FAT1: variants seen among roughly 807,000 people sequenced by gnomAD.
FAT1 encodes FAT atypical cadherin 1.
In FAT1, 171 loss-of-function variants were observed where a neutral mutation model predicts 329.8. The ratio of observed to expected loss-of-function variants is 0.52; its 90% CI spans 0.46 to 0.59. The LOEUF is 0.59. Ranked by LOEUF, FAT1 falls within the 20% of genes least tolerant of loss-of-function variation. The probability of loss-of-function intolerance (pLI) is 0.00; values close to 1 mark genes in which losing one functional copy is unlikely to be tolerated. For missense variants in FAT1, 5,672 were observed against 5,774.4 expected, an observed-to-expected ratio of 0.98 and a Z score of 0.57; for synonymous variants, 2,233 against 2,228.6, an observed-to-expected ratio of 1.00 and a Z score of -0.06.
In FAT1 at chr4:186,600,264, C is replaced by A. The variant is rs773650405; in HGVS notation, c.11737G>T (p.Ala3913Ser). The A allele has an allele frequency of 7.4e-6, 12 of 1,613,746 alleles. No individual in the cohort carries two copies. The South Asian group carries it at 1.2e-4, about 16-fold the overall frequency. ...SIQVNDGQWH[A>S]VALEVNGNYA... ...TTTCCATTCACTTCCAGGGCCACTG[C>A]GTGCCACTGCCCATCATTGACCTGA... Residue 3913 changes from alanine (A) to serine (S), a missense_variant, in exon 22 of 27, where the codon GCA (alanine) becomes TCA (serine). Transcript: ENST00000441802.
At chr4:186,592,368 C>T (rs1335991722) in intron 26 of FAT1, among the ~76,000 whole-genome samples, 1 of 152,134 alleles carries the variant, frequency 6.6e-6, no homozygotes, top group Non-Finnish European at 1.5e-5. Context: ...TATTCCTGTA[C>T]ATACGAAGAA....
chr4:186,699,292 T>C (rs1744184491), intron 2 of FAT1, among the ~76,000 whole-genome samples: 3 of 152,028 alleles, frequency 2.0e-5, no homozygotes, highest in Admixed American at 1.3e-4. Context: ...AACCAATTGA[T>C]TTAAAACTAA....
intron 22 of FAT1, among the ~76,000 whole-genome samples, 154 bp downstream of exon 22, chr4:186,599,744 C>T (rs1363823581): frequency 1.3e-5 from 2 of 152,142 alleles, no homozygotes; most frequent in African/African-American, 2.4e-5. Context: ...GCTCTGCCCC[C>T]GTATGAGGGA....
intron 3 of FAT1, among the ~76,000 whole-genome samples, chr4:186,662,163 T>TA (rs1287904743): frequency 6.6e-6 from 1 of 152,136 alleles, no homozygotes; most frequent in African/African-American, 2.4e-5. Flanking sequence ...TACTTCTAGA[T>TA]TTCTCTCTCT....
intron 2 of FAT1, among the ~76,000 whole-genome samples, chr4:186,699,761 T>A (rs1579469829): frequency 7.0e-6 from 1 of 141,944 alleles, no homozygotes; most frequent in African/African-American, 2.6e-5. Context: ...CACTAATAAA[T>A]AAAAACGTGA....
In FAT1 at chr4:186,619,857, G is replaced by C. The variant is rs371603019; in HGVS notation, c.6729C>G (p.Asp2243Glu). 1.2e-5 allele frequency: 20 copies of C among 1,613,882 alleles called. No homozygotes were observed. The highest frequency in any genetic ancestry group is 1.7e-5 in the Non-Finnish European group (20 of 1,179,906). The stretch of plus-strand genomic sequence containing the variant: ...GCTTATATGCCGGGTGGGCCTCAAA[G>C]TCCAGAGGAGCTATGACATTGATAA... ...TGVINVIAPLDFEAHPAYKLS... is the reference protein window; with the variant it reads ...TGVINVIAPLEFEAHPAYKLS... The change falls in exon 10 of 27, where the codon GAC becomes GAG. Residue 2243 changes from aspartate (D) to glutamate (E), a missense_variant. Physicochemically the swap from Asp to Glu is conservative, Grantham distance 45. Transcript: ENST00000441802.
rs1227055081 is a variant in FAT1 at position 186,600,019 on chromosome 4, T to G, written c.11982A>C (p.Arg3994Ser). The stretch of plus-strand genomic sequence containing the variant: ...CCGACTCTTCGATGTGTGCATAGCT[T>G]CTGGGTTTGCTGTTTAAAGGGAGCT... Reference protein sequence around the residue: ...GQELPLNSKPRSYAHIEESVD... With the variant: ...GQELPLNSKPSSYAHIEESVD... The change falls in exon 22 of 27, where the codon AGA (arginine) becomes AGC (serine). Residue 3994 changes from arginine to serine, a missense_variant. Physicochemically the swap from Arg to Ser is moderately radical, Grantham distance 110 (BLOSUM62 -1). Transcript: ENST00000441802. 2 of 1,613,886 alleles carry G rather than the reference T, an allele frequency of 1.2e-6. No homozygotes were observed. Among genetic ancestry groups the G allele is most frequent in the African/African-American group, 2.7e-5 (2 of 74,920 alleles).
At chr4:186,613,057 G>T in intron 13 of FAT1, 52 bp downstream of exon 13, 1 of 1,276,724 alleles carries the variant, frequency 7.8e-7, no homozygotes, top group Non-Finnish European at 1.1e-6. Context: ...TGAAACAGAG[G>T]CTCCTAGGAT....
Position 186,629,338 on chromosome 4 carries a change from G to A in FAT1, c.4324-575C>T, listed in dbSNP as rs554219555. Reference sequence around the variant, plus strand: ...AAACCTACATCTATGTAGTAAATATGTTTACTCCCTAAAACCAATTTAGTC... The same window carrying A: ...AAACCTACATCTATGTAGTAAATATATTTACTCCCTAAAACCAATTTAGTC... On this transcript the variant is annotated intron_variant, in intron 7 of 26. Coordinates refer to ENST00000441802, the MANE Select transcript of FAT1 (RefSeq NM_005245.4). Among the ~76,000 whole-genome samples, 172 of 152,108 alleles carry A rather than the reference G, an allele frequency of 1.1e-3. 1 individual carries two copies. Among genetic ancestry groups the A allele is most frequent in the African/African-American group, 4.0e-3 (165 of 41,502 alleles).
chr4:186,638,551 C>T (rs898281252), intron 4 of FAT1, among the ~76,000 whole-genome samples: 2 of 151,928 alleles, frequency 1.3e-5, no homozygotes, highest in African/African-American at 4.8e-5. Context: ...TGAAGCAGCT[C>T]CTAATGGGGA....
At chr4:186,677,455 A>T (rs374953693) in intron 2 of FAT1, among the ~76,000 whole-genome samples, 4 of 152,034 alleles carry the variant, frequency 2.6e-5, no homozygotes, top group African/African-American at 9.7e-5. Flanking sequence ...TTGTAAATGC[A>T]TATTAATCCC....
intron 2 of FAT1, among the ~76,000 whole-genome samples, chr4:186,665,010 AT>A (rs947547778): frequency 1.2e-3 from 176 of 152,358 alleles, no homozygotes; most frequent in African/African-American, 4.1e-3. Context: ...AGAAAAACTC[AT>A]TTTTTGAATG....
In FAT1 at chr4:186,633,902, T is replaced by A; in HGVS notation, c.4184-79A>T. On this transcript the variant is annotated intron_variant, in intron 6 of 26. Transcript: ENST00000441802. ...TATTCTGTGGCTTTCTCATACTTAA[T>A]GGCACTGAAAAATCTTCTAATATAC... 7 of 1,514,766 alleles carry A rather than the reference T, an allele frequency of 4.6e-6. No homozygotes were observed. In the South Asian group the frequency reaches 8.3e-5, roughly 18 times the overall value. 93.8% of individuals were successfully genotyped at this position (1,514,766 alleles called of 1,614,324 possible). A position where few individuals can be genotyped will look rare whatever the true frequency, so the allele number is the denominator to read the frequency against.
rs757829409 is a variant in FAT1, at chr4:186,621,074, C to G, written c.5512G>C (p.Glu1838Gln). Residue 1838 changes from glutamate to glutamine, a missense_variant, in exon 10 of 27, where the codon GAA (glutamate) becomes CAA (glutamine). By Grantham distance (29) the Glu-to-Gln change is conservative. This residue lies in a region of FAT1 where 3,966 missense variants were observed against 3,915.2 expected (regional missense o/e 1.01). Coordinates refer to ENST00000441802, the MANE Select transcript of FAT1 (RefSeq NM_005245.4). ...AIHTVLSLDY[E>Q]ETSIFHFTVQ... ...GTAAAGTGAAAAATACTTGTTTCTT[C>G]ATAGTCCAGACTTAGTACTGTATGA... The G allele has an allele frequency of 6.2e-7, 1 of 1,613,400 alleles. No individual in the cohort carries two copies. The highest frequency in any genetic ancestry group is 1.1e-5 in the South Asian group (1 of 91,076).
At position 186,618,106 on chromosome 4, in the gene FAT1, C is replaced by CT; in HGVS notation, c.8479dup (p.Arg2827LysfsTer9). The CT allele has an allele frequency of 6.2e-7, 1 of 1,614,022 alleles. No individual in the cohort carries two copies. ...ATCAGATGCCCTGATCTGAATTACT[C>CT]TACTTCCCCCTGGCAGGTTTTCAAC... On this transcript the variant is annotated frameshift_variant, in exon 10 of 27. Transcript: ENST00000441802. LOFTEE classifies it high-confidence loss of function.
At chr4:186,713,725 G>A (rs756906459) in intron 1 of FAT1, among the ~76,000 whole-genome samples, 30 of 151,906 alleles carry the variant, frequency 2.0e-4, no homozygotes, top group African/African-American at 5.3e-4. Flanking sequence ...GCGCGATCAC[G>A]GCTCACTGAA....
intron 26 of FAT1, among the ~76,000 whole-genome samples, chr4:186,591,110 GC>G (rs1738221049): frequency 6.6e-6 from 1 of 152,196 alleles, no homozygotes; most frequent in South Asian, 2.1e-4. Flanking sequence ...TGAGACGCCT[GC>G]CCAGGCCCTG....
chr4:186,658,355 G>A (rs562982977), intron 3 of FAT1, among the ~76,000 whole-genome samples: 1 of 152,110 alleles, frequency 6.6e-6, no homozygotes, highest in Non-Finnish European at 1.5e-5. Flanking sequence ...ACTCAAACTT[G>A]TGGTTTAGAA....
intron 2 of FAT1, among the ~76,000 whole-genome samples, chr4:186,700,626 C>G (rs939579404): frequency 6.6e-6 from 1 of 151,854 alleles, no homozygotes; most frequent in Non-Finnish European, 1.5e-5. Flanking sequence ...CGTTTTTGAA[C>G]AGGCTCCCTC....
Sources: gnomAD v4.1 joint callset for allele counts (sites outside exome capture counted in the v4.1 genomes callset) on GRCh38, gnomAD v4.1.1 for gene constraint, gnomAD v4.1.1 regional missense constraint, MANE v1.5 for transcripts, NCBI Gene and HGNC (gene_info 2026-07-23, HGNC 2026-07-21) for gene names.